The following LOC400499 variants were observed in gnomAD, a reference collection of about 807,000 sequenced individuals.
the LOC400499 span, chr16:11,478,385 G>A: frequency 3.7e-4 from 147 of 397,114 alleles, no homozygotes; most frequent in South Asian, 1.4e-4. Flanking sequence ...AACTAAGGCC[G>A]TGGTAAGTGA....
chr16:11,516,951 G>A, the LOC400499 span, among the ~76,000 whole-genome samples: 25 of 152,284 alleles, frequency 1.6e-4, no homozygotes, highest in Middle Eastern at 3.4e-3. Context: ...CCAGCCTCTT[G>A]TCTATTTTGA....
the LOC400499 span, chr16:11,448,926 AG>A: frequency 6.8e-7 from 1 of 1,478,912 alleles, no homozygotes; most frequent in Non-Finnish European, 9.1e-7. Flanking sequence ...TACCCACTCC[AG>A]GTGCCTGTAG....
the LOC400499 span, among the ~76,000 whole-genome samples, chr16:11,450,120 C>A: frequency 6.6e-6 from 1 of 152,224 alleles, no homozygotes; most frequent in Admixed American, 6.5e-5. Context: ...AGACCTTCCC[C>A]ACATCCACGC....
At chr16:11,454,023 T>C in the LOC400499 span, among the ~76,000 whole-genome samples, 57 of 152,256 alleles carry the variant, frequency 3.7e-4, no homozygotes, top group African/African-American at 1.1e-3. Context: ...TGGAAGAACA[T>C]AGATCCATAC....
At chr16:11,424,070 C>G in the LOC400499 span, 12 of 399,080 alleles carry the variant, frequency 3.0e-5, no homozygotes, top group African/African-American at 2.3e-4. Context: ...GACCCACTGG[C>G]CCCCGAGAGG....
At chr16:11,493,187 G>C in the LOC400499 span, among the ~76,000 whole-genome samples, 2 of 152,204 alleles carry the variant, frequency 1.3e-5, no homozygotes, top group East Asian at 3.8e-4. Context: ...TAGTGGTCCA[G>C]GGATTAGCAA....
chr16:11,453,127 G>C, the LOC400499 span, among the ~76,000 whole-genome samples: 1 of 152,188 alleles, frequency 6.6e-6, no homozygotes, highest in African/African-American at 2.4e-5. Flanking sequence ...AGAGTCAAGA[G>C]GTGGCCAAGT....
At chr16:11,424,609 G>C in the LOC400499 span, among the ~76,000 whole-genome samples, 2 of 152,360 alleles carry the variant, frequency 1.3e-5, no homozygotes, top group East Asian at 1.9e-4. Context: ...CCGGTGATAA[G>C]ACCCATGTCC....
chr16:11,447,216 C>T, the LOC400499 span, among the ~76,000 whole-genome samples: 1 of 152,182 alleles, frequency 6.6e-6, no homozygotes, highest in South Asian at 2.1e-4. Context: ...GGATTAGAAT[C>T]CAGGCACGGT....
the LOC400499 span, among the ~76,000 whole-genome samples, chr16:11,429,303 C>T: frequency 9.2e-5 from 14 of 152,256 alleles, no homozygotes; most frequent in East Asian, 9.6e-4. Context: ...GGCCCTGTGA[C>T]GTGCTGGCAG....
chr16:11,485,861 A>C, the LOC400499 span, among the ~76,000 whole-genome samples: 1 of 152,194 alleles, frequency 6.6e-6, no homozygotes, highest in African/African-American at 2.4e-5. Context: ...TGAAAGATGG[A>C]TGAGTGGGAA....
the LOC400499 span, among the ~76,000 whole-genome samples, chr16:11,491,277 C>T: frequency 2.0e-5 from 3 of 152,104 alleles, no homozygotes; most frequent in Admixed American, 1.3e-4. Context: ...TACATCTTTG[C>T]GTTCAGGTGC....
the LOC400499 span, among the ~76,000 whole-genome samples, chr16:11,518,421 C>G: frequency 6.6e-6 from 1 of 151,870 alleles, no homozygotes; most frequent in Non-Finnish European, 1.5e-5. Context: ...AGGGGCTTAG[C>G]TTGGGGTGGG....
At chr16:11,434,727 A>T in the LOC400499 span, among the ~76,000 whole-genome samples, 1 of 152,220 alleles carries the variant, frequency 6.6e-6, no homozygotes, top group Non-Finnish European at 1.5e-5. Flanking sequence ...TGCAGGGCTC[A>T]GTTCACCATT....
the LOC400499 span, chr16:11,443,495 G>GAC: frequency 3.0e-6 from 1 of 337,276 alleles, no homozygotes; most frequent in Non-Finnish European, 5.6e-6. Context: ...AAAAAAAAGA[G>GAC]AGAGAGAGAG....
chr16:11,487,363 G>A, the LOC400499 span: 111,208 of 399,038 alleles, frequency 0.28, 16,845 homozygotes, highest in Admixed American at 0.44. Context: ...GTCCCCTCCA[G>A]GTTGGCTCCC....
At chr16:11,426,194 G>C in the LOC400499 span, among the ~76,000 whole-genome samples, 2 of 152,186 alleles carry the variant, frequency 1.3e-5, no homozygotes, top group Non-Finnish European at 2.9e-5. Context: ...CCAGCACTTT[G>C]GGAGGCTGAG....
At chr16:11,449,980 G>A in the LOC400499 span, among the ~76,000 whole-genome samples, 92,550 of 152,060 alleles carry the variant, frequency 0.61, 32,108 homozygotes, top group Non-Finnish European at 0.81. Flanking sequence ...CTCCTGTCTT[G>A]GCATCCTCTG....
At chr16:11,507,086 C>A in the LOC400499 span, among the ~76,000 whole-genome samples, 1 of 150,504 alleles carries the variant, frequency 6.6e-6, no homozygotes, top group South Asian at 2.1e-4. Flanking sequence ...GGCCCACAGC[C>A]CTTGCCCTGA....
Sources: gnomAD v4.1 joint callset for allele counts (sites outside exome capture counted in the v4.1 genomes callset) on GRCh38, gnomAD v4.1.1 for gene constraint, MANE v1.5 for transcripts.